The following CCDC93 variants were observed in gnomAD, a reference collection of about 807,000 sequenced individuals.
CCDC93 encodes CCC complex scaffolding subunit CCDC93.
In CCDC93, 61 loss-of-function variants were observed where a neutral mutation model predicts 108.2. The ratio of observed to expected loss-of-function variants is 0.56; its 90% CI spans 0.46 to 0.70. The LOEUF (loss-of-function observed/expected upper bound fraction) is 0.70, where lower values mean the gene tolerates loss of function less well. Among genes scored for constraint, CCDC93 ranks in the 30% least tolerant of loss-of-function variants. The probability of loss-of-function intolerance (pLI) is 0.00; values close to 1 mark genes in which losing one functional copy is unlikely to be tolerated. For synonymous variants in CCDC93, 276 were observed against 260.4 expected (o/e 1.06, Z -0.58); for missense variants, 685 against 764.2 (o/e 0.90, Z 1.22).
chr2:117,995,971 A>ATTC (rs1160898828), intron 5 of CCDC93, among the ~76,000 whole-genome samples: 2 of 151,876 alleles, frequency 1.3e-5, no homozygotes, highest in African/African-American at 4.8e-5. Context: ...TATTATTATT[A>ATTC]TTAAATTGTT....
chr2:117,920,504 G>T, intron 23 of CCDC93, 108 bp from the exon 24 acceptor site: 1 of 642,946 alleles, frequency 1.6e-6, no homozygotes, highest in Non-Finnish European at 2.6e-6. Flanking sequence ...GACATCTCCT[G>T]GCCAACCCAG....
At chr2:117,924,763 T>C (rs1678016955) in intron 23 of CCDC93, among the ~76,000 whole-genome samples, 1 of 152,108 alleles carries the variant, frequency 6.6e-6, no homozygotes, top group South Asian at 2.1e-4. Flanking sequence ...CATTCAAATT[T>C]AGGAAATACA....
intron 22 of CCDC93, among the ~76,000 whole-genome samples, chr2:117,935,132 G>C (rs909489351): frequency 1.3e-5 from 2 of 152,202 alleles, no homozygotes; most frequent in Non-Finnish European, 2.9e-5. Context: ...CCGAGGAAGT[G>C]AATCTAGTCA....
At chr2:117,983,633 TATATATATATATATATATATATA>T (rs1558795364) in intron 7 of CCDC93, among the ~76,000 whole-genome samples, 10,923 of 115,600 alleles carry the variant, frequency 0.094, 578 homozygotes, top group South Asian at 0.16. Flanking sequence ...CTCAAAATTA[TATATATATATATATATATATATA>T]TATATATATA....
chr2:118,009,628 T>G (rs1676971029), intron 1 of CCDC93, among the ~76,000 whole-genome samples: 1 of 152,172 alleles, frequency 6.6e-6, no homozygotes, highest in East Asian at 1.9e-4. Context: ...GGTGAGACTG[T>G]GCCATTGCAC....
At chr2:117,966,226 C>A (rs1679567173) in intron 11 of CCDC93, among the ~76,000 whole-genome samples, 1 of 152,232 alleles carries the variant, frequency 6.6e-6, no homozygotes, top group African/African-American at 2.4e-5. Context: ...CACCCAACTC[C>A]TGGCAACAAT....
At chr2:117,953,854 A>G (rs548105003) in intron 12 of CCDC93, among the ~76,000 whole-genome samples, 39 of 152,150 alleles carry the variant, frequency 2.6e-4, no homozygotes, top group Admixed American at 1.3e-3. Context: ...TGATCATGCC[A>G]CTGGACTCTA....
At chr2:117,979,585 G>A (rs4849652) in intron 7 of CCDC93, among the ~76,000 whole-genome samples, 85,946 of 152,060 alleles carry the variant, frequency 0.57, 25,150 homozygotes, top group East Asian at 0.87. Context: ...AAACATAAGT[G>A]AAAAAATGCA....
At chr2:117,940,291 TG>T (rs1678656522) in intron 19 of CCDC93, among the ~76,000 whole-genome samples, 1 of 151,994 alleles carries the variant, frequency 6.6e-6, no homozygotes, top group Non-Finnish European at 1.5e-5. Flanking sequence ...TTGCCTGGGG[TG>T]GGGTGCCTAG....
At chr2:117,921,702 CT>C (rs988349236) in intron 23 of CCDC93, 2 of 152,270 alleles carry the variant, frequency 1.3e-5, no homozygotes, top group Non-Finnish European at 2.9e-5. Flanking sequence ...TCTGGAGGCC[CT>C]GATCTTTTGG....
At chr2:117,961,082 G>C (rs142349418) in intron 11 of CCDC93, among the ~76,000 whole-genome samples, 2 of 152,044 alleles carry the variant, frequency 1.3e-5, no homozygotes, top group African/African-American at 4.8e-5. Context: ...GGTTCACTTG[G>C]TAACCCACCC....
intron 13 of CCDC93, chr2:117,949,705 T>TAA: frequency 2.5e-5 from 19 of 746,852 alleles, no homozygotes; most frequent in African/African-American, 7.7e-5. Context: ...ATTCAAAAAT[T>TAA]AAAAAAAAAA....
intron 7 of CCDC93, among the ~76,000 whole-genome samples, chr2:117,985,070 G>A (rs970959173): frequency 6.6e-6 from 1 of 151,456 alleles, no homozygotes; most frequent in Non-Finnish European, 1.5e-5. Flanking sequence ...ATCACACGCA[G>A]CCTAGGGCCA....
chr2:117,972,054 G>A lies in CCDC93; in HGVS notation c.888+1854C>T, dbSNP rs557806049. Reference sequence around the variant, plus strand: ...CAAAATCTGTGCATACTCTGCAGTCGGCTGTACGGAACCCACATATATGAA... The same window carrying A: ...CAAAATCTGTGCATACTCTGCAGTCAGCTGTACGGAACCCACATATATGAA... On this transcript the variant is annotated intron_variant, in intron 11 of 23. Coordinates refer to ENST00000376300, the MANE Select transcript of CCDC93 (RefSeq NM_019044.5). Among the ~76,000 whole-genome samples the A allele has an allele frequency of 1.4e-4, 21 of 152,230 alleles. No individual in the cohort carries two copies. In the South Asian group the frequency reaches 3.5e-3, roughly 26 times the overall value.
At chr2:117,975,019 T>G (rs1679889008) in intron 9 of CCDC93, 119 bp from the exon 10 acceptor site, 2 of 1,068,526 alleles carry the variant, frequency 1.9e-6, no homozygotes, top group African/African-American at 1.6e-5. Context: ...TCTCGTCTTA[T>G]GTGAGCCTCA....
chr2:117,951,181 G>T, intron 13 of CCDC93: 1 of 985,288 alleles, frequency 1.0e-6, no homozygotes, highest in African/African-American at 1.7e-5. Context: ...ACAGATCCAC[G>T]AATTGGCAAA....
At chr2:118,006,418 G>T (rs930254862) in intron 3 of CCDC93, among the ~76,000 whole-genome samples, 1 of 152,228 alleles carries the variant, frequency 6.6e-6, no homozygotes, top group Non-Finnish European at 1.5e-5. Context: ...GACAGGCAAA[G>T]TGAGACTCTG....
At chr2:117,937,633 A>C (rs1333567542) in intron 20 of CCDC93, among the ~76,000 whole-genome samples, 1 of 152,208 alleles carries the variant, frequency 6.6e-6, no homozygotes, top group Non-Finnish European at 1.5e-5. Context: ...AACTTTAAAC[A>C]CTGCTGATGA....
At chr2:117,956,822 T>C (rs531293930) in intron 12 of CCDC93, among the ~76,000 whole-genome samples, 1 of 152,146 alleles carries the variant, frequency 6.6e-6, no homozygotes, top group African/African-American at 2.4e-5. Flanking sequence ...GACCATTTGA[T>C]AGGTTAATAC....
Sources: allele counts gnomAD v4.1 joint callset (sites outside exome capture counted in the v4.1 genomes callset), GRCh38; gene constraint gnomAD v4.1.1; transcripts MANE v1.5; gene names NCBI Gene and HGNC (gene_info 2026-07-23, HGNC 2026-07-21).